Variants in FRYL observed in about 807,000 individuals in gnomAD.
FRYL encodes the protein FRY like transcription coactivator.
Under a neutral mutation model 351.2 loss-of-function variants are expected in FRYL, and 150 were observed. That is an observed-to-expected ratio of 0.43 (90% confidence interval 0.37 to 0.49). The LOEUF is 0.49. Ranked by LOEUF, FRYL falls within the 20% of genes least tolerant of loss-of-function variation. The pLI, the probability that FRYL is intolerant of heterozygous loss-of-function variation, is 0.00. For missense variants in FRYL, 3,036 were observed against 3,619.3 expected, an observed-to-expected ratio of 0.84 and a Z score of 4.13; for synonymous variants, 1,153 against 1,257.1, an observed-to-expected ratio of 0.92 and a Z score of 1.75.
At chr4:48,691,364 A>G (rs1204945077) in intron 2 of FRYL, among the ~76,000 whole-genome samples, 1 of 152,170 alleles carries the variant, frequency 6.6e-6, no homozygotes, top group Non-Finnish European at 1.5e-5. Flanking sequence ...ATCATGGCAC[A>G]TTCCTAAGAT....
rs192198110 is a variant in FRYL, at chr4:48,561,423, A to C, written c.3865+45T>G. 6.3e-6 allele frequency: 8 copies of C among 1,270,076 alleles called. No homozygotes were observed. In the Admixed American group the frequency reaches 2.0e-4, roughly 32 times the overall value. The allele number at this position is 1,270,076 out of a possible 1,614,324, so 78.7% of individuals were successfully genotyped here. ...AATTTTCTAAAAATTGTTTCTGAAG[A>C]AATGATTGACAAATAGAAACTACTA... is the stretch of plus-strand genomic sequence containing the variant. On this transcript the variant is annotated intron_variant, in intron 33 of 63. Coordinates refer to ENST00000358350, the MANE Select transcript of FRYL (RefSeq NM_015030.2).
intron 4 of FRYL, among the ~76,000 whole-genome samples, chr4:48,627,472 T>C: frequency 6.6e-6 from 1 of 152,194 alleles, no homozygotes; most frequent in Non-Finnish European, 1.5e-5. Flanking sequence ...TAACATTTAT[T>C]TGTTTCATAA....
chr4:48,689,989 C>T (rs552364211), intron 2 of FRYL, among the ~76,000 whole-genome samples: 69 of 151,170 alleles, frequency 4.6e-4, no homozygotes, highest in Non-Finnish European at 8.0e-4. Flanking sequence ...CTCCGCCTCC[C>T]GGGTTCAAGC....
Position 48,668,598 on chromosome 4 carries a change from CT to C in FRYL, c.-81+16074del, listed in dbSNP as rs1298815666. Among the ~76,000 whole-genome samples the C allele has an allele frequency of 1.3e-3, 199 of 152,316 alleles. 1 individual carries two copies. Among genetic ancestry groups the C allele is most frequent in the African/African-American group, 4.2e-3 (176 of 41,566 alleles). ...TTATTTAACAAAGGTTTACTAACTG[CT>C]TAAGAAGTGCTTGCCACTGGGCTAA... On this transcript the variant is annotated intron_variant, in intron 3 of 63. Transcript: ENST00000358350.
chr4:48,750,253 GA>G (rs886988005), intron 1 of FRYL, among the ~76,000 whole-genome samples: 1 of 151,946 alleles, frequency 6.6e-6, no homozygotes, highest in Non-Finnish European at 1.5e-5. Flanking sequence ...TTGAGTCCAG[GA>G]GTTCGAGATC....
intron 2 of FRYL, among the ~76,000 whole-genome samples, chr4:48,688,045 C>T (rs1483704203): frequency 1.3e-5 from 2 of 152,102 alleles, no homozygotes; most frequent in African/African-American, 4.8e-5. Context: ...CCTCAAAGAT[C>T]CAAGCTCAAA....
At position 48,497,573 on chromosome 4, in the gene FRYL, T is replaced by G. The variant is rs1718706983; in HGVS notation, c.*1849A>C. On this transcript the variant is annotated 3_prime_UTR_variant, in exon 64 of 64. Coordinates refer to ENST00000358350, the MANE Select transcript of FRYL (RefSeq NM_015030.2). The stretch of plus-strand genomic sequence containing the variant: ...TTAAAATACAACACAAACCAACAGC[T>G]ACAATGCTTTTTATTTTTAACAAAA... The G allele has an allele frequency of 6.6e-6, 1 of 152,620 alleles. No individual in the cohort carries two copies. Among genetic ancestry groups the G allele is most frequent in the African/African-American group, 2.4e-5 (1 of 41,446 alleles). The allele number at this position is 152,620 out of a possible 1,614,324, so 9.5% of individuals were successfully genotyped here. A position where few individuals can be genotyped will look rare whatever the true frequency, so the allele number is the denominator to read the frequency against.
chr4:48,588,442 C>A (rs1742586111), intron 18 of FRYL, among the ~76,000 whole-genome samples: 1 of 152,118 alleles, frequency 6.6e-6, no homozygotes, highest in African/African-American at 2.4e-5. Flanking sequence ...ATCTGTCTTA[C>A]ACAACTTCTT....
intron 2 of FRYL, among the ~76,000 whole-genome samples, chr4:48,709,504 A>T (rs1360476472): frequency 4.6e-5 from 7 of 152,218 alleles, no homozygotes; most frequent in Non-Finnish European, 4.4e-5. Flanking sequence ...AAATGTTCTG[A>T]CAGTGGAGAT....
chr4:48,679,395 G>A (rs966756721), intron 3 of FRYL, among the ~76,000 whole-genome samples: 8 of 152,090 alleles, frequency 5.3e-5, no homozygotes, highest in East Asian at 1.9e-4. Context: ...GACATGAAAC[G>A]ATGGTAGGGA....
Position 48,689,724 on chromosome 4 carries a change from T to C in FRYL, c.-203-4929A>G, listed in dbSNP as rs562522134. Among the ~76,000 whole-genome samples the C allele has an allele frequency of 3.3e-5, 5 of 152,272 alleles. No individual in the cohort carries two copies. In the South Asian group the frequency reaches 1.0e-3, roughly 32 times the overall value. Reference sequence around the variant, plus strand: ...CCTTTTGGAGTTACTGCTTTAGAAATTTGAAAGAGGTGGAGATGTCATCTT... The same window carrying C: ...CCTTTTGGAGTTACTGCTTTAGAAACTTGAAAGAGGTGGAGATGTCATCTT... On this transcript the variant is annotated intron_variant, in intron 2 of 63. Transcript: ENST00000358350.
intron 3 of FRYL, among the ~76,000 whole-genome samples, chr4:48,648,922 C>T (rs1757084161): frequency 1.3e-5 from 2 of 152,124 alleles, no homozygotes; most frequent in African/African-American, 2.4e-5. Context: ...TTTTGGAATA[C>T]ACTAAAACCC....
chr4:48,658,781 T>C (rs1759811968), intron 3 of FRYL, among the ~76,000 whole-genome samples: 1 of 150,338 alleles, frequency 6.7e-6, no homozygotes, highest in African/African-American at 2.5e-5. Flanking sequence ...AATAAGAAAA[T>C]CAAGGTTTTA....
intron 1 of FRYL, among the ~76,000 whole-genome samples, chr4:48,772,187 AT>A (rs1218877778): frequency 6.6e-6 from 1 of 152,192 alleles, no homozygotes; most frequent in Non-Finnish European, 1.5e-5. Flanking sequence ...TATTTTGAGA[AT>A]TTTTTGTAAT....
intron 1 of FRYL, among the ~76,000 whole-genome samples, chr4:48,748,796 G>A (rs1293191870): frequency 3.9e-5 from 6 of 152,344 alleles, no homozygotes; most frequent in South Asian, 2.1e-4. Context: ...AGTAGATTGC[G>A]AAGCTATCAG....
intron 3 of FRYL, among the ~76,000 whole-genome samples, chr4:48,651,067 C>G (rs911762076): frequency 6.6e-6 from 1 of 152,134 alleles, no homozygotes; most frequent in East Asian, 1.9e-4. Context: ...TAAGTCTCCA[C>G]TGACCCTGTA....
intron 1 of FRYL, among the ~76,000 whole-genome samples, chr4:48,773,844 C>T (rs1258061175): frequency 6.6e-6 from 1 of 152,114 alleles, no homozygotes; most frequent in Non-Finnish European, 1.5e-5. Context: ...TTGAGCCCAG[C>T]TGGTGGAGGC....
intron 3 of FRYL, among the ~76,000 whole-genome samples, chr4:48,684,357 G>A (rs1448259895): frequency 6.6e-6 from 1 of 152,102 alleles, no homozygotes; most frequent in African/African-American, 2.4e-5. Flanking sequence ...TGCTTCCTAA[G>A]CCCCCTCGTT....
chr4:48,694,458 A>G (rs1316484501), intron 2 of FRYL, among the ~76,000 whole-genome samples: 1 of 151,986 alleles, frequency 6.6e-6, no homozygotes, highest in Non-Finnish European at 1.5e-5. Flanking sequence ...CACTGCGCCC[A>G]GCTACGTTTT....
Sources: allele counts gnomAD v4.1 joint callset (sites outside exome capture counted in the v4.1 genomes callset), GRCh38; gene constraint gnomAD v4.1.1; transcripts MANE v1.5; gene names NCBI Gene and HGNC (gene_info 2026-07-23, HGNC 2026-07-21).